Variants in ADGRG6 observed in about 807,000 individuals in gnomAD.
ADGRG6 encodes the protein adhesion G protein-coupled receptor G6, also known as G-protein coupled receptor 126.
In ADGRG6, 84 loss-of-function variants were observed where a neutral mutation model predicts 142.4. The observed-to-expected ratio is 0.59, with a 90% CI of 0.49 to 0.71. The LOEUF is 0.71. Ranked by LOEUF, ADGRG6 falls within the 30% of genes least tolerant of loss-of-function variation. The pLI is 0.00. For missense variants in ADGRG6, 1,367 were observed against 1,466.6 expected, an observed-to-expected ratio of 0.93 and a Z score of 1.11; for synonymous variants, 521 against 520.5, an observed-to-expected ratio of 1.00 and a Z score of -0.01.
intron 8 of ADGRG6, 79 bp from the exon 9 acceptor site, chr6:142,393,817 T>C: frequency 1.2e-6 from 1 of 861,078 alleles, no homozygotes; most frequent in South Asian, 1.5e-5. Flanking sequence ...TCTGTCTCTT[T>C]ATTTCAGGTC....
intron 24 of ADGRG6, chr6:142,441,074 A>G (rs972804512): frequency 5.5e-5 from 31 of 562,282 alleles, no homozygotes; most frequent in African/African-American, 7.9e-5. Context: ...TTCAGCTAGC[A>G]CAATGACATT....
intron 5 of ADGRG6, among the ~76,000 whole-genome samples, chr6:142,383,058 T>A (rs1781846700): frequency 6.6e-6 from 1 of 152,084 alleles, no homozygotes; most frequent in Non-Finnish European, 1.5e-5. Context: ...AATAAAAAAA[T>A]CTGTAATTCT....
chr6:142,413,869 T>A (rs1303000492), intron 18 of ADGRG6, among the ~76,000 whole-genome samples: 2 of 149,132 alleles, frequency 1.3e-5, no homozygotes, highest in Admixed American at 6.7e-5. Context: ...ACTGCATCAG[T>A]GAAACCTGAA....
At position 142,370,502 on chromosome 6, in the gene ADGRG6, T is replaced by G. The variant is rs527263071; in HGVS notation, c.778T>G (p.Ser260Ala). ...ACAGCTCTGCCTTGTTTGGAATAAT[T>G]CTTTGGGCTCTATTGGTGTAAATTT... is the stretch of plus-strand genomic sequence containing the variant. ...FEQLCLVWNN[S>A]LGSIGVNFKR... is the part of the protein sequence containing the mutation. The change falls in exon 4 of 25, where the codon TCT (serine) becomes GCT (alanine). Residue 260 changes from serine (S) to alanine (A), a missense_variant. Around this residue, in one of 3 missense-constraint regions of ADGRG6, gnomAD observed 737 missense variants for 746.5 expected, o/e 0.99. Coordinates refer to ENST00000367609, the MANE Select transcript of ADGRG6 (RefSeq NM_198569.3). 3.7e-6 allele frequency: 6 copies of G among 1,613,678 alleles called. No homozygotes were observed. In the Admixed American group the frequency reaches 8.3e-5, roughly 22 times the overall value.
chr6:142,302,293 T>G lies in ADGRG6; in HGVS notation c.-37T>G, dbSNP rs1338110806. On this transcript the variant is annotated 5_prime_UTR_variant, in exon 1 of 25. Transcript: ENST00000367609. ...AGCGGGAAAGTGGTGGAGGATGATC[T>G]TGCGGCCAAAGGGGACCTCGGCGCA... is the stretch of plus-strand genomic sequence containing the variant. 7 of 1,610,976 alleles carry G rather than the reference T, an allele frequency of 4.3e-6. No homozygotes were observed. Among genetic ancestry groups the G allele is most frequent in the African/African-American group, 1.3e-5 (1 of 74,860 alleles).
rs750883061 is a variant in ADGRG6 at position 142,370,600 on chromosome 6, G to T, written c.876G>T (p.Leu292Phe). The stretch of plus-strand genomic sequence containing the variant: ...TTATTCCTGGGAATGGGAAATTGTT[G>T]TTGGGCTCCAATCAAAATGAAATTG... ...SKVIPGNGKLLLGSNQNEIVS... is the reference protein window; with the variant it reads ...SKVIPGNGKLFLGSNQNEIVS... The change falls in exon 4 of 25, where the codon TTG becomes TTT. Residue 292 changes from leucine (L) to phenylalanine (F), a missense_variant. Around this residue, in one of 3 missense-constraint regions of ADGRG6, gnomAD observed 737 missense variants for 746.5 expected, o/e 0.99. Coordinates refer to ENST00000367609, the MANE Select transcript of ADGRG6 (RefSeq NM_198569.3). The T allele has an allele frequency of 1.2e-6, 2 of 1,612,674 alleles. No homozygotes were observed. The highest frequency in any genetic ancestry group is 1.1e-5 in the South Asian group (1 of 91,036).
intron 18 of ADGRG6, among the ~76,000 whole-genome samples, chr6:142,412,985 A>C (rs1027481998): frequency 2.0e-5 from 3 of 151,942 alleles, no homozygotes; most frequent in African/African-American, 7.3e-5. Flanking sequence ...ATGAGTTTGT[A>C]ATTACGCATT....
intron 2 of ADGRG6, among the ~76,000 whole-genome samples, chr6:142,352,629 C>T (rs1780242789): frequency 6.6e-6 from 1 of 152,020 alleles, no homozygotes; most frequent in African/African-American, 2.4e-5. Context: ...AAAAAATTAT[C>T]TTGTAATATT....
intron 22 of ADGRG6, among the ~76,000 whole-genome samples, chr6:142,421,094 C>T (rs916613859): frequency 1.3e-5 from 2 of 152,144 alleles, no homozygotes; most frequent in African/African-American, 4.8e-5. Flanking sequence ...GGTGGGTACT[C>T]CCTGCAAGTG....
intron 2 of ADGRG6, among the ~76,000 whole-genome samples, chr6:142,336,639 A>G (rs971584253): frequency 6.6e-6 from 1 of 152,236 alleles, no homozygotes; most frequent in Non-Finnish European, 1.5e-5. Context: ...GGAACTGTGT[A>G]CTATGTTAGC....
rs1185390422 is a variant in ADGRG6 at position 142,443,852 on chromosome 6, TAGA to T, written c.*338_*340del. 5.8e-6 allele frequency: 1 copy of T among 172,476 alleles called. No individual in the cohort carries two copies. The highest frequency in any genetic ancestry group is 2.4e-5 in the African/African-American group (1 of 42,072). The allele number at this position is 172,476 out of a possible 1,614,324, so 10.7% of individuals were successfully genotyped here. A position where few individuals can be genotyped will look rare whatever the true frequency, so the allele number is the denominator to read the frequency against. The stretch of plus-strand genomic sequence containing the variant: ...GGAGAAGCAATGCTGAGGAAGACCC[TAGA>T]TAGAGCTCATTTTACTCCACCTAAT... On this transcript the variant is annotated 3_prime_UTR_variant, in exon 25 of 25. Coordinates refer to ENST00000367609, the MANE Select transcript of ADGRG6 (RefSeq NM_198569.3).
At chr6:142,314,978 G>GTGTA (rs1473789157) in intron 2 of ADGRG6, among the ~76,000 whole-genome samples, 1 of 150,742 alleles carries the variant, frequency 6.6e-6, no homozygotes, top group African/African-American at 2.4e-5. Flanking sequence ...TGGAGTGTGT[G>GTGTA]TGTGTGTGTG....
chr6:142,353,470 C>G (rs1780284745), intron 2 of ADGRG6, among the ~76,000 whole-genome samples: 1 of 152,068 alleles, frequency 6.6e-6, no homozygotes, highest in Non-Finnish European at 1.5e-5. Context: ...TCAGTTGAGA[C>G]TTGACATTAT....
chr6:142,417,165 G>T, intron 20 of ADGRG6, 108 bp from the exon 21 acceptor site: 1 of 737,336 alleles, frequency 1.4e-6, no homozygotes, highest in Non-Finnish European at 2.5e-6. Flanking sequence ...ATGTTGGCTT[G>T]CTTGCATTTC....
chr6:142,430,404 C>T (rs917979735), intron 22 of ADGRG6, among the ~76,000 whole-genome samples: 4 of 152,154 alleles, frequency 2.6e-5, no homozygotes, highest in African/African-American at 9.7e-5. Context: ...TGACAATATG[C>T]ATTGCCTCGA....
At chr6:142,338,506 T>C (rs1779458039) in intron 2 of ADGRG6, among the ~76,000 whole-genome samples, 1 of 150,718 alleles carries the variant, frequency 6.6e-6, no homozygotes. Context: ...ATTTATTACA[T>C]ATAATTTATT....
At chr6:142,390,453 C>G (rs999354294) in intron 7 of ADGRG6, 110 bp downstream of exon 7, 7 of 558,410 alleles carry the variant, frequency 1.3e-5, no homozygotes, top group Non-Finnish European at 2.0e-5. Flanking sequence ...AGATGGTATT[C>G]ATTAGAAATA....
chr6:142,387,248 A>G (rs1387107456), intron 6 of ADGRG6, among the ~76,000 whole-genome samples: 1 of 152,186 alleles, frequency 6.6e-6, no homozygotes, highest in Non-Finnish European at 1.5e-5. Context: ...TCTCTGCTCA[A>G]ACATCACTAG....
Position 142,367,829 on chromosome 6 carries a change from T to A in ADGRG6, c.364T>A (p.Ser122Thr). 1 of 1,613,840 alleles carries A rather than the reference T, an allele frequency of 6.2e-7. No individual in the cohort carries two copies. Among genetic ancestry groups the A allele is most frequent in the Non-Finnish European group, 8.5e-7 (1 of 1,179,742 alleles). ...AACTGCCAAAGGCCTATCATTTAAC[T>A]CAAGTGCGAATGAGATGCATGTGTC... ...GATAKGLSFNSSANEMHVSFS... is the reference protein window; with the variant it reads ...GATAKGLSFNTSANEMHVSFS... The change falls in exon 3 of 25, where the codon TCA (serine) becomes ACA (threonine). Residue 122 changes from serine to threonine, a missense_variant. Ser to Thr is a moderately conservative substitution (Grantham distance 58, BLOSUM62 1). This residue lies in a region of ADGRG6 where 737 missense variants were observed against 746.5 expected (regional missense o/e 0.99). Transcript: ENST00000367609.
Sources: allele counts gnomAD v4.1 joint callset (sites outside exome capture counted in the v4.1 genomes callset), GRCh38; gene constraint gnomAD v4.1.1; regional missense constraint gnomAD v4.1.1; transcripts MANE v1.5; gene names NCBI Gene and HGNC (gene_info 2026-07-23, HGNC 2026-07-21).